Variants in RAB35 observed in about 807,000 individuals in gnomAD.
RAB35 encodes the protein RAB35, member RAS oncogene family.
A neutral mutation model predicts 28.9 loss-of-function variants in RAB35; 4 were observed. The observed-to-expected ratio is 0.14, with a 90% CI of 0.07 to 0.32. RAB35 has a LOEUF of 0.32. Among genes scored for constraint, RAB35 ranks in the 10% least tolerant of loss-of-function variants. The pLI is 1.00. For missense variants in RAB35, 128 were observed against 274.0 expected (o/e 0.47, Z 3.76); for synonymous variants, 99 against 105.1 (o/e 0.94, Z 0.35).
At chr12:120,110,571 T>C (rs1876077719) in intron 1 of RAB35, among the ~76,000 whole-genome samples, 1 of 152,018 alleles carries the variant, frequency 6.6e-6, no homozygotes, top group African/African-American at 2.4e-5. Context: ...TTTTAATAGA[T>C]TCTCAAGAAG....
At position 120,095,100 on chromosome 12, in the gene RAB35, T is replaced by G. The variant is rs538256762; in HGVS notation, c.*2145A>C. ...GAGCAAACAGACCCTGGAAGAAAATTTGGCAGCTTGAACCTTTATTTTTAG... is the reference window on the plus strand; with the variant it reads ...GAGCAAACAGACCCTGGAAGAAAATGTGGCAGCTTGAACCTTTATTTTTAG... On this transcript the variant is annotated 3_prime_UTR_variant, in exon 6 of 6. Coordinates refer to ENST00000229340, the MANE Select transcript of RAB35 (RefSeq NM_006861.7). 6.6e-6 allele frequency: 1 copy of G among 152,332 alleles called. No homozygotes were observed. The highest frequency in any genetic ancestry group is 2.4e-5 in the African/African-American group (1 of 41,562). 9.4% of individuals were successfully genotyped at this position (152,332 alleles called of 1,614,324 possible). A position where few individuals can be genotyped will look rare whatever the true frequency, so the allele number is the denominator to read the frequency against.
intron 1 of RAB35, among the ~76,000 whole-genome samples, chr12:120,111,148 CT>C (rs1383481072): frequency 6.6e-6 from 1 of 152,254 alleles, no homozygotes; most frequent in Non-Finnish European, 1.5e-5. Context: ...GAATTTCTGC[CT>C]AAACGAACGC....
chr12:120,097,490 T>A, intron 5 of RAB35, 117 bp from the exon 6 acceptor site: 1 of 747,684 alleles, frequency 1.3e-6, no homozygotes, highest in Non-Finnish European at 2.2e-6. Context: ...GCATTTTTGG[T>A]ATGTATGTCT....
At chr12:120,106,396 G>A (rs1034535731) in intron 2 of RAB35, among the ~76,000 whole-genome samples, 1 of 152,054 alleles carries the variant, frequency 6.6e-6, no homozygotes, top group Non-Finnish European at 1.5e-5. Flanking sequence ...ATGGGGAAAG[G>A]ACCATTATGA....
chr12:120,116,622 T>C lies in RAB35; in HGVS notation c.29A>G (p.Lys10Arg), dbSNP rs1876351673. The change falls in exon 1 of 6, where the codon AAG (lysine) becomes AGG (arginine). Residue 10 changes from lysine to arginine, a missense_variant. Coordinates refer to ENST00000229340, the MANE Select transcript of RAB35 (RefSeq NM_006861.7). ...ACCGCTGTCGCCGATGATGAGCAGC[T>C]TGAAGAGGTGGTCGTAGTCCCGGGC... MARDYDHLF[K>R]LLIIGDSGVG... 4 of 1,220,076 alleles carry C rather than the reference T, an allele frequency of 3.3e-6. No homozygotes were observed. The highest frequency in any genetic ancestry group is 4.1e-6 in the Non-Finnish European group (4 of 980,330). The allele number at this position is 1,220,076 out of a possible 1,614,324, so 75.6% of individuals were successfully genotyped here. A position where few individuals can be genotyped will look rare whatever the true frequency, so the allele number is the denominator to read the frequency against.
chr12:120,099,434 T>A (rs1214012090), intron 3 of RAB35: 1 of 515,658 alleles, frequency 1.9e-6, no homozygotes, highest in Non-Finnish European at 3.5e-6. Flanking sequence ...CTCCTGCTGT[T>A]CAGAGTCTGC....
In RAB35 at chr12:120,095,144, A is replaced by T. The variant is rs1425973975; in HGVS notation, c.*2101T>A. The T allele has an allele frequency of 6.6e-6, 1 of 152,382 alleles. No individual in the cohort carries two copies. The highest frequency in any genetic ancestry group is 1.9e-4 in the East Asian group (1 of 5,194). 9.4% of individuals were successfully genotyped at this position (152,382 alleles called of 1,614,324 possible). ...TTTTTAGTATTTTTTTAAAAAGCAT[A>T]ATTAGAAACTTTCAATACAGAAATA... On this transcript the variant is annotated 3_prime_UTR_variant, in exon 6 of 6. Coordinates refer to ENST00000229340, the MANE Select transcript of RAB35 (RefSeq NM_006861.7).
At chr12:120,107,902 C>T (rs1243860147) in intron 2 of RAB35, among the ~76,000 whole-genome samples, 3 of 148,552 alleles carry the variant, frequency 2.0e-5, no homozygotes, top group Non-Finnish European at 3.0e-5. Context: ...GAATAAATAT[C>T]GCCTATATCC....
intron 3 of RAB35, among the ~76,000 whole-genome samples, chr12:120,102,858 C>T (rs1875712797): frequency 6.6e-6 from 1 of 152,174 alleles, no homozygotes; most frequent in Non-Finnish European, 1.5e-5. Context: ...AAGGAGGTGC[C>T]CGTGGAGCCA....
chr12:120,114,538 T>G (rs1392776405), intron 1 of RAB35, among the ~76,000 whole-genome samples: 3 of 152,244 alleles, frequency 2.0e-5, no homozygotes, highest in Non-Finnish European at 4.4e-5. Flanking sequence ...TGGGCTCAGC[T>G]GCCAAAGCTT....
intron 2 of RAB35, among the ~76,000 whole-genome samples, chr12:120,107,133 T>C (rs7971259): frequency 0.019 from 2,907 of 151,768 alleles, 66 homozygotes; most frequent in African/African-American, 0.051. Context: ...GGATTATAGG[T>C]ATGCACCACC....
chr12:120,115,732 A>G (rs2139065894), intron 1 of RAB35, among the ~76,000 whole-genome samples: 1 of 152,368 alleles, frequency 6.6e-6, no homozygotes, highest in Non-Finnish European at 1.5e-5. Flanking sequence ...CAGAGCTAGG[A>G]GCCCTCAAGC....
At chr12:120,102,079 C>T (rs995464444) in intron 3 of RAB35, among the ~76,000 whole-genome samples, 9 of 152,172 alleles carry the variant, frequency 5.9e-5, no homozygotes, top group Non-Finnish European at 1.2e-4. Context: ...AAGGCAGGGG[C>T]GCCACCTGCC....
rs1227369691 is a variant in RAB35, at chr12:120,096,700, G to A, written c.*545C>T. 26 of 1,289,768 alleles carry A rather than the reference G, an allele frequency of 2.0e-5. No individual in the cohort carries two copies. The highest frequency in any genetic ancestry group is 2.5e-5 in the Non-Finnish European group (25 of 988,904). 79.9% of individuals were successfully genotyped at this position (1,289,768 alleles called of 1,614,324 possible). The stretch of plus-strand genomic sequence containing the variant: ...AGGGAAGGGAGCTGGCACAGGCCCC[G>A]GAGAAGGGGCAAGACCCTGTGCAGC... On this transcript the variant is annotated 3_prime_UTR_variant, in exon 6 of 6. Coordinates refer to ENST00000229340, the MANE Select transcript of RAB35 (RefSeq NM_006861.7).
At chr12:120,098,094 C>A (rs1368325099) in intron 5 of RAB35, among the ~76,000 whole-genome samples, 1 of 152,108 alleles carries the variant, frequency 6.6e-6, no homozygotes, top group East Asian at 1.9e-4. Context: ...CCATGTTAGC[C>A]AGGATGGTCT....
rs1875364900 is a variant in RAB35 at position 120,095,903 on chromosome 12, T to TGCGACATAGGGTGC, written c.*1341_*1342insGCACCCTATGTCGC. The TGCGACATAGGGTGC allele has an allele frequency of 6.5e-6, 1 of 154,190 alleles. No homozygotes were observed. The highest frequency in any genetic ancestry group is 6.4e-5 in the Admixed American group (1 of 15,606). The allele number at this position is 154,190 out of a possible 1,614,324, so 9.6% of individuals were successfully genotyped here. ...CACATCCTGGTGTTAAACTCGGTTC[T>TGCGACATAGGGTGC]TCCCAGGTCACTTGATCCCTGTAGT... On this transcript the variant is annotated 3_prime_UTR_variant, in exon 6 of 6. Transcript: ENST00000229340.
chr12:120,109,618 T>A (rs1342130823), intron 1 of RAB35, among the ~76,000 whole-genome samples: 1 of 151,976 alleles, frequency 6.6e-6, no homozygotes. Flanking sequence ...CTAATTTTTT[T>A]ATTTTTAGTA....
chr12:120,098,993 C>T, intron 4 of RAB35, 37 bp downstream of exon 4: 1 of 1,614,074 alleles, frequency 6.2e-7, no homozygotes, highest in East Asian at 2.2e-5. Context: ...TGCCTCTCTC[C>T]CACCCAACCC....
Position 120,097,006 on chromosome 12 carries a change from G to A in RAB35, c.*239C>T, listed in dbSNP as rs765191592. On this transcript the variant is annotated 3_prime_UTR_variant, in exon 6 of 6. Transcript: ENST00000229340. ...GCTCGGCGGGCAGCGTCCTCGCCAG[G>A]TCCAGGCGCCTTGGCCGGGGAGGAG... 2 of 1,505,736 alleles carry A rather than the reference G, an allele frequency of 1.3e-6. No homozygotes were observed. Among genetic ancestry groups the A allele is most frequent in the South Asian group, 1.2e-5 (1 of 83,096 alleles). 93.3% of individuals were successfully genotyped at this position (1,505,736 alleles called of 1,614,324 possible). A position where few individuals can be genotyped will look rare whatever the true frequency, so the allele number is the denominator to read the frequency against.
Sources: gnomAD v4.1 joint callset for allele counts (sites outside exome capture counted in the v4.1 genomes callset) on GRCh38, gnomAD v4.1.1 for gene constraint, MANE v1.5 for transcripts, NCBI Gene and HGNC (gene_info 2026-07-23, HGNC 2026-07-21) for gene names.